Variants in SLC2A13 observed in about 807,000 individuals in gnomAD.
SLC2A13 encodes the protein proton myo-inositol cotransporter.
Under a neutral mutation model 64.4 loss-of-function variants are expected in SLC2A13, and 32 were observed. The observed-to-expected ratio is 0.50, with a 90% CI of 0.37 to 0.67. SLC2A13 has a LOEUF of 0.67. SLC2A13 is among the 30% of genes least tolerant of loss of function. SLC2A13 has a pLI of 0.00. For missense variants in SLC2A13, 743 were observed against 829.2 expected, an observed-to-expected ratio of 0.90 and a Z score of 1.28; for synonymous variants, 338 against 327.1, an observed-to-expected ratio of 1.03 and a Z score of -0.36.
intron 6 of SLC2A13, among the ~76,000 whole-genome samples, chr12:39,843,266 T>C (rs182180367): frequency 4.6e-5 from 7 of 152,094 alleles, no homozygotes; most frequent in African/African-American, 1.7e-4. Context: ...ACAGAATGAG[T>C]CAGGTTTTCC....
rs1041941689 is a variant in SLC2A13 at position 39,785,862 on chromosome 12, A to G, written c.1446-21004T>C. Among the ~76,000 whole-genome samples the G allele has an allele frequency of 2.0e-5, 3 of 152,168 alleles. No homozygotes were observed. The South Asian group carries it at 6.2e-4, about 32-fold the overall frequency. Reference sequence around the variant, plus strand: ...TGGATTTTGGACTTGCATGGGGCCTATAACCACTTTGTTTTGGCCAATTTC... The same window carrying G: ...TGGATTTTGGACTTGCATGGGGCCTGTAACCACTTTGTTTTGGCCAATTTC... On this transcript the variant is annotated intron_variant, in intron 7 of 9. Coordinates refer to ENST00000280871, the MANE Select transcript of SLC2A13 (RefSeq NM_052885.4).
intron 3 of SLC2A13, among the ~76,000 whole-genome samples, chr12:40,015,475 C>A (rs770069976): frequency 6.6e-6 from 1 of 152,166 alleles, no homozygotes; most frequent in African/African-American, 2.4e-5. Flanking sequence ...AGCTTCTCAG[C>A]ACAAATTTTC....
In SLC2A13 at chr12:39,820,558, T is replaced by C. The variant is rs375313461; in HGVS notation, c.1445+9545A>G. 2.6e-5 allele frequency among the ~76,000 whole-genome samples: 4 copies of C among 152,124 alleles called. No homozygotes were observed. In the East Asian group the frequency reaches 7.7e-4, roughly 29 times the overall value. On this transcript the variant is annotated intron_variant, in intron 7 of 9. Transcript: ENST00000280871. ...GAGTAGGAAGGACCTGGATACCAAATGATGTGTACAGAGGCAGCGGTTCTT... is the reference window on the plus strand; with the variant it reads ...GAGTAGGAAGGACCTGGATACCAAACGATGTGTACAGAGGCAGCGGTTCTT...
chr12:40,104,581 T>TA (rs1272622322), intron 1 of SLC2A13, among the ~76,000 whole-genome samples: 2 of 151,738 alleles, frequency 1.3e-5, no homozygotes, highest in African/African-American at 4.8e-5. Flanking sequence ...GGAGAATGGA[T>TA]AAAAAAGGAT....
chr12:39,778,074 C>A (rs913617445), intron 7 of SLC2A13, among the ~76,000 whole-genome samples: 2 of 152,162 alleles, frequency 1.3e-5, no homozygotes, highest in Non-Finnish European at 2.9e-5. Context: ...CCACAGCCTG[C>A]CCATCTGTAT....
intron 4 of SLC2A13, among the ~76,000 whole-genome samples, chr12:39,943,652 A>C (rs1012464778): frequency 6.6e-6 from 1 of 152,224 alleles, no homozygotes; most frequent in Non-Finnish European, 1.5e-5. Context: ...CTGTGCTGGC[A>C]GTGAGAATTT....
At chr12:40,083,613 A>C (rs2136287438) in intron 1 of SLC2A13, among the ~76,000 whole-genome samples, 1 of 152,322 alleles carries the variant, frequency 6.6e-6, no homozygotes, top group East Asian at 1.9e-4. Flanking sequence ...AAGGAAAAAA[A>C]GGATGGGGAA....
chr12:39,968,787 T>C (rs1446332008), intron 3 of SLC2A13, among the ~76,000 whole-genome samples: 12 of 18,566 alleles, frequency 6.5e-4, no homozygotes, highest in African/African-American at 2.2e-3. Flanking sequence ...TATATATATA[T>C]ATATATATAT....
chr12:39,870,938 A>G (rs1944034314), intron 5 of SLC2A13, among the ~76,000 whole-genome samples: 1 of 152,220 alleles, frequency 6.6e-6, no homozygotes, highest in African/African-American at 2.4e-5. Context: ...TGTTTTCGAT[A>G]CAATTTGGTT....
chr12:39,946,147 C>A (rs1049520796), intron 4 of SLC2A13, among the ~76,000 whole-genome samples: 1 of 152,152 alleles, frequency 6.6e-6, no homozygotes, highest in Non-Finnish European at 1.5e-5. Flanking sequence ...AGCCACGCAG[C>A]GAGTCTACCT....
intron 2 of SLC2A13, among the ~76,000 whole-genome samples, chr12:40,044,079 T>C (rs941389090): frequency 4.6e-5 from 7 of 152,156 alleles, no homozygotes; most frequent in Non-Finnish European, 7.4e-5. Context: ...AGCCCCAAAA[T>C]GTTAACAATA....
chr12:39,829,808 A>T (rs1942803324), intron 7 of SLC2A13: 1 of 355,026 alleles, frequency 2.8e-6, no homozygotes, highest in Admixed American at 3.9e-5. Flanking sequence ...ATGCAGTGGG[A>T]GAAATTGCCT....
At position 39,908,266 on chromosome 12, in the gene SLC2A13, C is replaced by T. The variant is rs535640800; in HGVS notation, c.1035-36305G>A. ...CTTCCTGTTAATTATTCCATTATTT[C>T]CTAATGTTTTTAATAATAAAACCCC... On this transcript the variant is annotated intron_variant, in intron 4 of 9. Coordinates refer to ENST00000280871, the MANE Select transcript of SLC2A13 (RefSeq NM_052885.4). The T allele has an allele frequency of 6.6e-5, 10 of 152,022 alleles. No homozygotes were observed. In the East Asian group the frequency reaches 1.5e-3, roughly 23 times the overall value. 9.4% of individuals were successfully genotyped at this position (152,022 alleles called of 1,614,324 possible). A position where few individuals can be genotyped will look rare whatever the true frequency, so the allele number is the denominator to read the frequency against.
chr12:39,869,977 T>C (rs1031089910), intron 5 of SLC2A13, among the ~76,000 whole-genome samples: 9 of 152,190 alleles, frequency 5.9e-5, no homozygotes, highest in Non-Finnish European at 1.2e-4. Flanking sequence ...CATTCACAAA[T>C]GAGAAAATAG....
At chr12:39,978,845 T>C (rs1306158700) in intron 3 of SLC2A13, among the ~76,000 whole-genome samples, 2 of 151,654 alleles carry the variant, frequency 1.3e-5, no homozygotes, top group African/African-American at 4.8e-5. Flanking sequence ...CCTGCCTGCC[T>C]CTGTAGGCTC....
chr12:40,083,122 T>C (rs911892765), intron 1 of SLC2A13, among the ~76,000 whole-genome samples: 3 of 152,194 alleles, frequency 2.0e-5, no homozygotes, highest in Admixed American at 2.0e-4. Flanking sequence ...AGACTGGGAC[T>C]GTGTAGTACC....
Position 39,756,834 on chromosome 12 carries a change from A to G in SLC2A13, c.*3192T>C, listed in dbSNP as rs1939980574. ...TGAATAACTTAATATTTAGACTCTT[A>G]TGTACTAAAATCAGGTTCAGTGGTA... On this transcript the variant is annotated 3_prime_UTR_variant, in exon 10 of 10. Transcript: ENST00000280871. 1 of 151,686 alleles carries G rather than the reference A, an allele frequency of 6.6e-6. No homozygotes were observed. Among genetic ancestry groups the G allele is most frequent in the Non-Finnish European group, 1.5e-5 (1 of 67,706 alleles). 9.4% of individuals were successfully genotyped at this position (151,686 alleles called of 1,614,324 possible).
chr12:40,085,964 A>G (rs1160533766), intron 1 of SLC2A13, among the ~76,000 whole-genome samples: 1 of 151,884 alleles, frequency 6.6e-6, no homozygotes, highest in Non-Finnish European at 1.5e-5. Context: ...AACCTCCACC[A>G]AGTAGCTGGG....
At chr12:40,033,593 C>A (rs79680998) in intron 2 of SLC2A13, among the ~76,000 whole-genome samples, 17,799 of 152,194 alleles carry the variant, frequency 0.12, 1,400 homozygotes, top group Middle Eastern at 0.18. Context: ...TCCCTAAGAG[C>A]ATTACTGTTA....
Sources: gnomAD v4.1 joint callset for allele counts (sites outside exome capture counted in the v4.1 genomes callset) on GRCh38, gnomAD v4.1.1 for gene constraint, MANE v1.5 for transcripts, NCBI Gene and HGNC (gene_info 2026-07-23, HGNC 2026-07-21) for gene names.